ACVR1C: variants seen among roughly 807,000 people sequenced by gnomAD.
ACVR1C encodes activin A receptor type 1C.
Under a neutral mutation model 57.9 loss-of-function variants are expected in ACVR1C, and 23 were observed. The ratio of observed to expected loss-of-function variants is 0.40; its 90% CI spans 0.29 to 0.56. The LOEUF (loss-of-function observed/expected upper bound fraction) is 0.56, where lower values mean the gene tolerates loss of function less well. Ranked by LOEUF, ACVR1C falls within the 20% of genes least tolerant of loss-of-function variation. ACVR1C has a pLI of 0.50. For missense variants in ACVR1C, 480 were observed against 607.9 expected (o/e 0.79, Z 2.21); for synonymous variants, 214 against 215.3 (o/e 0.99, Z 0.05).
At chr2:157,625,298 A>T (rs1165924764) in intron 1 of ACVR1C, among the ~76,000 whole-genome samples, 1 of 152,136 alleles carries the variant, frequency 6.6e-6, no homozygotes, top group Non-Finnish European at 1.5e-5. Flanking sequence ...ATGTAGCATC[A>T]TCCTTAGCTA....
Position 157,628,684 on chromosome 2 carries a change from G to A in ACVR1C, c.-40C>T. 2.0e-6 allele frequency: 3 copies of A among 1,487,220 alleles called. No homozygotes were observed. The highest frequency in any genetic ancestry group is 4.1e-4 in the Middle Eastern group (2 of 4,898). The allele number at this position is 1,487,220 out of a possible 1,614,324, so 92.1% of individuals were successfully genotyped here. On this transcript the variant is annotated 5_prime_UTR_variant, in exon 1 of 9. Coordinates refer to ENST00000243349, the MANE Select transcript of ACVR1C (RefSeq NM_145259.3). Reference sequence around the variant, plus strand: ...CGCGCCGGGGCTGCGAGGCCCCAGAGCAGAGCGAGGCAGCCGGGGCAGCAC... The same window carrying A: ...CGCGCCGGGGCTGCGAGGCCCCAGAACAGAGCGAGGCAGCCGGGGCAGCAC...
Position 157,582,319 on chromosome 2 carries a change from A to T in ACVR1C, c.304+4868T>A, listed in dbSNP as rs151143187. On this transcript the variant is annotated intron_variant, in intron 2 of 8. Coordinates refer to ENST00000243349, the MANE Select transcript of ACVR1C (RefSeq NM_145259.3). ...AAAAAATTTTTTTTTAATTAAAAAC[A>T]AGCTTGAGTTCAATTAAATGTTCCG... 7.3e-3 allele frequency among the ~76,000 whole-genome samples: 1,111 copies of T among 152,278 alleles called. 13 individuals are homozygous for T. The highest frequency in any genetic ancestry group is 0.025 in the African/African-American group (1,056 of 41,554).
At chr2:157,565,002 A>G (rs1688328193) in intron 2 of ACVR1C, among the ~76,000 whole-genome samples, 1 of 152,130 alleles carries the variant, frequency 6.6e-6, no homozygotes, top group Non-Finnish European at 1.5e-5. Flanking sequence ...CAAATAGCCA[A>G]TGCATGCGGG....
At chr2:157,562,940 C>T (rs1688276921) in intron 2 of ACVR1C, among the ~76,000 whole-genome samples, 1 of 152,134 alleles carries the variant, frequency 6.6e-6, no homozygotes, top group Non-Finnish European at 1.5e-5. Context: ...TAAAAACCCT[C>T]AATAAAGTAG....
At chr2:157,582,195 T>A (rs1046831280) in intron 2 of ACVR1C, among the ~76,000 whole-genome samples, 9 of 152,136 alleles carry the variant, frequency 5.9e-5, no homozygotes, top group Non-Finnish European at 1.5e-5. Flanking sequence ...TGTGGTGGCA[T>A]GTGCCTGTAG....
chr2:157,583,325 A>G (rs76703439), intron 2 of ACVR1C, among the ~76,000 whole-genome samples: 1 of 152,376 alleles, frequency 6.6e-6, no homozygotes, highest in East Asian at 1.9e-4. Context: ...CAAAATATTT[A>G]TAAGACCTGT....
At chr2:157,550,077 A>T in intron 4 of ACVR1C, 85 bp downstream of exon 4, 3 of 1,121,448 alleles carry the variant, frequency 2.7e-6, no homozygotes, top group Admixed American at 2.2e-5. Flanking sequence ...TTCTTATCTG[A>T]TACTAGACAA....
chr2:157,628,420 TC>T, intron 1 of ACVR1C, 151 bp downstream of exon 1: 1 of 913,406 alleles, frequency 1.1e-6, no homozygotes. Flanking sequence ...CTGCACCCTA[TC>T]CCGCGCCCCC....
intron 6 of ACVR1C, among the ~76,000 whole-genome samples, chr2:157,541,900 G>A (rs1665538580): frequency 2.0e-5 from 3 of 152,106 alleles, no homozygotes; most frequent in Non-Finnish European, 4.4e-5. Context: ...TAATTTCAAG[G>A]TCATGAACTC....
intron 1 of ACVR1C, among the ~76,000 whole-genome samples, chr2:157,589,092 C>A (rs1020212389): frequency 1.3e-5 from 2 of 151,492 alleles, no homozygotes; most frequent in Non-Finnish European, 3.0e-5. Context: ...ATATTTAGTT[C>A]TTTGAGAACT....
At position 157,533,944 on chromosome 2, in the gene ACVR1C, A is replaced by G. The variant is rs766112202; in HGVS notation, c.1456T>C (p.Cys486Arg). The stretch of plus-strand genomic sequence containing the variant: ...TAGGCTTTGCAGTCTTCTTTGACAC[A>G]AAGTTGAGATATAGTCTTCTTAATA... The part of the protein sequence containing the change: ...LRIKKTISQL[C>R]VKEDCKA The change falls in exon 9 of 9, where the codon TGT becomes CGT. Residue 486 changes from cysteine (C) to arginine (R), a missense_variant. Physicochemically the swap from Cys to Arg is radical, Grantham distance 180. Coordinates refer to ENST00000243349, the MANE Select transcript of ACVR1C (RefSeq NM_145259.3). 1.7e-5 allele frequency: 27 copies of G among 1,588,276 alleles called. 1 individual carries two copies. In the South Asian group the frequency reaches 2.3e-4, roughly 14 times the overall value.
intron 2 of ACVR1C, among the ~76,000 whole-genome samples, chr2:157,566,348 G>C (rs1394857715): frequency 6.6e-6 from 1 of 152,186 alleles, no homozygotes; most frequent in Non-Finnish European, 1.5e-5. Context: ...TAGCTAGTGG[G>C]AATGTGGAGC....
chr2:157,550,076 G>A lies in ACVR1C; in HGVS notation c.775+86C>T, dbSNP rs188186462. On this transcript the variant is annotated intron_variant, in intron 4 of 8. Transcript: ENST00000243349. Reference sequence around the variant, plus strand: ...GAGGTGAATTTATTTTTTCTTATCTGATACTAGACAACATTTTTTTTTTGA... The same window carrying A: ...GAGGTGAATTTATTTTTTCTTATCTAATACTAGACAACATTTTTTTTTTGA... 139 of 1,044,970 alleles carry A rather than the reference G, an allele frequency of 1.3e-4. 1 individual carries two copies. In the Middle Eastern group the frequency reaches 3.3e-3, roughly 25 times the overall value. The allele number at this position is 1,044,970 out of a possible 1,614,324, so 64.7% of individuals were successfully genotyped here.
chr2:157,538,445 G>C, intron 8 of ACVR1C, 128 bp downstream of exon 8: 1 of 899,546 alleles, frequency 1.1e-6, no homozygotes, highest in South Asian at 3.8e-5. Flanking sequence ...TCCTTCTGAA[G>C]ACTTATAAAA....
At chr2:157,593,055 C>T (rs962217906) in intron 1 of ACVR1C, among the ~76,000 whole-genome samples, 2 of 151,990 alleles carry the variant, frequency 1.3e-5, no homozygotes, top group South Asian at 4.2e-4. Flanking sequence ...CCCTTTTATC[C>T]ACTCTTTGCC....
At position 157,542,842 on chromosome 2, in the gene ACVR1C, G is replaced by A. The variant is rs373961422; in HGVS notation, c.964C>T (p.Arg322Ter). 5.6e-6 allele frequency: 9 copies of A among 1,613,612 alleles called. No homozygotes were observed. Among genetic ancestry groups the A allele is most frequent in the East Asian group, 2.2e-5 (1 of 44,848 alleles). Reference sequence around the variant, plus strand: ...AAGATATTCTTTGATTTTATGTCTCGATGAGCAATAGCAGGTTTACCTATG... The same window carrying A: ...AAGATATTCTTTGATTTTATGTCTCAATGAGCAATAGCAGGTTTACCTATG... ...GTQGKPAIAH[R>*]DIKSKNILVK... Residue 322 changes from arginine to a stop codon, truncating the protein, a stop_gained, in exon 6 of 9, where the codon CGA becomes TGA. Transcript: ENST00000243349. LOFTEE classifies it high-confidence loss of function.
chr2:157,546,770 A>G (rs1028305564), intron 4 of ACVR1C, among the ~76,000 whole-genome samples: 6 of 152,192 alleles, frequency 3.9e-5, no homozygotes, highest in African/African-American at 1.4e-4. Flanking sequence ...CTGTGATTAC[A>G]CAAGCATGGG....
intron 3 of ACVR1C, among the ~76,000 whole-genome samples, chr2:157,553,793 A>G (rs1425687062): frequency 6.6e-6 from 1 of 152,172 alleles, no homozygotes; most frequent in Non-Finnish European, 1.5e-5. Flanking sequence ...CTGTGCCTAG[A>G]ATGTTGTCAA....
chr2:157,566,421 G>C (rs1468748143), intron 2 of ACVR1C, among the ~76,000 whole-genome samples: 1 of 152,214 alleles, frequency 6.6e-6, no homozygotes, highest in Non-Finnish European at 1.5e-5. Flanking sequence ...GCAGAAGACG[G>C]GTGATTTCTG....
Sources: gnomAD v4.1 joint callset for allele counts (sites outside exome capture counted in the v4.1 genomes callset) on GRCh38, gnomAD v4.1.1 for gene constraint, MANE v1.5 for transcripts, NCBI Gene and HGNC (gene_info 2026-07-23, HGNC 2026-07-21) for gene names.